FIG4: variants seen among roughly 807,000 people sequenced by gnomAD.
FIG4 encodes the protein polyphosphoinositide phosphatase.
In FIG4, 112 loss-of-function variants were observed where a neutral mutation model predicts 118.6. The observed-to-expected ratio is 0.94, with a 90% CI of 0.81 to 1.11. The LOEUF (loss-of-function observed/expected upper bound fraction) is 1.11. Among genes scored for constraint, FIG4 ranks in the 50% least tolerant of loss-of-function variants. The pLI, the probability that FIG4 is intolerant of heterozygous loss-of-function variation, is 0.00. For synonymous variants in FIG4, 369 were observed against 381.2 expected (o/e 0.97, Z 0.37); for missense variants, 969 against 1,111.7 (o/e 0.87, Z 1.83).
At chr6:109,764,925 GT>G in intron 13 of FIG4, 87 bp from the exon 14 acceptor site, 1 of 1,268,510 alleles carries the variant, frequency 7.9e-7, no homozygotes, top group Non-Finnish European at 1.1e-6. Context: ...TTTTGTTTTT[GT>G]TTTTGTTTCT....
At chr6:109,747,146 C>T (rs147542047) in intron 10 of FIG4, among the ~76,000 whole-genome samples, 101 of 152,100 alleles carry the variant, frequency 6.6e-4, no homozygotes, top group Middle Eastern at 6.8e-3. Flanking sequence ...GTCCTCTAAA[C>T]GGAGGTAACA....
At chr6:109,762,514 A>AT (rs922560847) in intron 12 of FIG4, among the ~76,000 whole-genome samples, 2 of 151,066 alleles carry the variant, frequency 1.3e-5, no homozygotes, top group Non-Finnish European at 2.9e-5. Flanking sequence ...AGAAACAGAC[A>AT]TTTTTTTCTT....
chr6:109,796,341 G>A (rs768694311), intron 21 of FIG4, among the ~76,000 whole-genome samples: 6 of 152,120 alleles, frequency 3.9e-5, no homozygotes, highest in Middle Eastern at 3.2e-3. Flanking sequence ...CCCTTTCCAC[G>A]TCACTTGTCT....
At chr6:109,809,055 A>G (rs1430840551) in intron 22 of FIG4, among the ~76,000 whole-genome samples, 1 of 152,232 alleles carries the variant, frequency 6.6e-6, no homozygotes, top group African/African-American at 2.4e-5. Flanking sequence ...GTTCATTGAT[A>G]TAGTTTCAGT....
At chr6:109,756,098 T>C (rs1189435658) in intron 10 of FIG4, among the ~76,000 whole-genome samples, 1 of 152,224 alleles carries the variant, frequency 6.6e-6, no homozygotes, top group Non-Finnish European at 1.5e-5. Context: ...CCATGTTTAG[T>C]GCTTCCTTCA....
intron 3 of FIG4, among the ~76,000 whole-genome samples, chr6:109,719,184 G>T (rs1775530035): frequency 6.6e-6 from 1 of 152,138 alleles, no homozygotes; most frequent in South Asian, 2.1e-4. Context: ...CTCCCAAAGT[G>T]CTGGGATTGC....
intron 1 of FIG4, among the ~76,000 whole-genome samples, chr6:109,698,285 A>G (rs905708391): frequency 6.6e-5 from 10 of 152,126 alleles, no homozygotes; most frequent in Admixed American, 1.3e-4. Flanking sequence ...AAGTTTTCCA[A>G]CTTTATTCTT....
intron 1 of FIG4, among the ~76,000 whole-genome samples, chr6:109,704,718 G>C (rs1354212549): frequency 6.6e-6 from 1 of 150,894 alleles, no homozygotes; most frequent in African/African-American, 2.4e-5. Flanking sequence ...TTAAAAATGG[G>C]GAAGTCATGA....
chr6:109,733,053 A>C lies in FIG4; in HGVS notation c.497+366A>C, dbSNP rs868446856. On this transcript the variant is annotated intron_variant, in intron 5 of 22. Transcript: ENST00000230124. ...CAACTTTTAGTAAATAATCTGGCAA[A>C]ATTGGGTAAAAACAAATTAAAAATA... 2.6e-5 allele frequency among the ~76,000 whole-genome samples: 4 copies of C among 152,140 alleles called. No homozygotes were observed. The South Asian group carries it at 8.3e-4, about 31-fold the overall frequency.
chr6:109,740,610 G>A (rs1776294058), intron 7 of FIG4, among the ~76,000 whole-genome samples: 1 of 152,100 alleles, frequency 6.6e-6, no homozygotes, highest in East Asian at 1.9e-4. Flanking sequence ...AGAATTTGCA[G>A]GTAGGTGACA....
chr6:109,691,512 C>T lies in FIG4; in HGVS notation c.66+11C>T. 1.3e-6 allele frequency: 2 copies of T among 1,569,728 alleles called. No individual in the cohort carries two copies. The highest frequency in any genetic ancestry group is 1.7e-6 in the Non-Finnish European group (2 of 1,156,670). On this transcript the variant is annotated intron_variant, in intron 1 of 22. Transcript: ENST00000230124. Reference sequence around the variant, plus strand: ...TATGAGACTAGAGCTGTGAGTACCCCCTCGCGGCGGGGCGCAGGCGGGAGG... The same window carrying T: ...TATGAGACTAGAGCTGTGAGTACCCTCTCGCGGCGGGGCGCAGGCGGGAGG...
At chr6:109,782,107 A>G (rs1472931938) in intron 16 of FIG4, among the ~76,000 whole-genome samples, 3 of 152,160 alleles carry the variant, frequency 2.0e-5, no homozygotes, top group East Asian at 1.9e-4. Flanking sequence ...TCTTAATAAT[A>G]CTAGGAACTG....
intron 1 of FIG4, among the ~76,000 whole-genome samples, chr6:109,697,261 C>CA (rs566216314): frequency 0.1 from 6,252 of 62,484 alleles, 191 homozygotes; most frequent in South Asian, 0.19. Context: ...GACTCTGTCT[C>CA]AAAAAAAAAA....
chr6:109,792,992 A>T (rs892133752), intron 21 of FIG4, among the ~76,000 whole-genome samples: 4 of 152,152 alleles, frequency 2.6e-5, no homozygotes, highest in Admixed American at 1.3e-4. Context: ...CGTCCAGCCT[A>T]ATATAACTTT....
intron 4 of FIG4, among the ~76,000 whole-genome samples, chr6:109,729,176 T>A (rs1390636427): frequency 6.6e-6 from 1 of 152,202 alleles, no homozygotes; most frequent in Non-Finnish European, 1.5e-5. Context: ...TTGTTACCAA[T>A]GTTAGAAAAT....
At chr6:109,739,229 A>C (rs1007780400) in intron 7 of FIG4, among the ~76,000 whole-genome samples, 7 of 130,104 alleles carry the variant, frequency 5.4e-5, no homozygotes, top group Non-Finnish European at 1.1e-4. Flanking sequence ...TAAGCTGATG[A>C]GTTCAATTTT....
At chr6:109,733,130 G>GT (rs1776058032) in intron 5 of FIG4, among the ~76,000 whole-genome samples, 1 of 152,100 alleles carries the variant, frequency 6.6e-6, no homozygotes, top group Non-Finnish European at 1.5e-5. Flanking sequence ...TAAATTAACA[G>GT]TTTCCTGAGA....
chr6:109,761,129 A>G (rs1777091900), intron 11 of FIG4, among the ~76,000 whole-genome samples: 3 of 152,176 alleles, frequency 2.0e-5, no homozygotes, highest in African/African-American at 4.8e-5. Context: ...TTATACAGTT[A>G]GATACACACA....
At chr6:109,792,523 T>G in intron 20 of FIG4, 59 bp from the exon 21 acceptor site, 2 of 969,176 alleles carry the variant, frequency 2.1e-6, no homozygotes, top group Non-Finnish European at 3.3e-6. Flanking sequence ...GGGAAATTAT[T>G]GATATGCTAT....
Sources: allele counts gnomAD v4.1 joint callset (sites outside exome capture counted in the v4.1 genomes callset), GRCh38; gene constraint gnomAD v4.1.1; transcripts MANE v1.5; gene names NCBI Gene and HGNC (gene_info 2026-07-23, HGNC 2026-07-21).